The following THSD4 variants were observed in gnomAD, a reference collection of about 807,000 sequenced individuals.
The protein encoded by THSD4 is thrombospondin type 1 domain containing 4.
A neutral mutation model predicts 119.0 loss-of-function variants in THSD4; 69 were observed. That is an observed-to-expected ratio of 0.58 (90% CI 0.48 to 0.71). THSD4 has a LOEUF of 0.71. THSD4 is among the 30% of genes least tolerant of loss of function. The pLI is 0.00. For synonymous variants in THSD4, 524 were observed against 540.4 expected (o/e 0.97, Z 0.42); for missense variants, 1,393 against 1,391.1 (o/e 1.00, Z -0.02).
intron 6 of THSD4, among the ~76,000 whole-genome samples, chr15:71,371,503 G>C (rs376796748): frequency 6.6e-6 from 1 of 152,106 alleles, no homozygotes; most frequent in African/African-American, 2.4e-5. Context: ...GCATTTGCTT[G>C]TCTGTAAAGG....
At chr15:71,301,705 G>T (rs1036758396) in intron 6 of THSD4, among the ~76,000 whole-genome samples, 67 of 152,026 alleles carry the variant, frequency 4.4e-4, no homozygotes, top group African/African-American at 1.5e-3. Context: ...ATTTTCTCTG[G>T]GCTACCTGGA....
chr15:71,628,825 T>G (rs149845550), intron 7 of THSD4, among the ~76,000 whole-genome samples: 1 of 152,308 alleles, frequency 6.6e-6, no homozygotes, highest in African/African-American at 2.4e-5. Flanking sequence ...GACTCACAAC[T>G]GCTGCTTGTC....
rs574449424 is a variant in THSD4 at position 71,244,987 on chromosome 15, T to C, written c.912+1891T>C. ...CTTACATTTGTAAAGCCCGCCCCTT[T>C]TGCCAGACCTGTGCTGCCAACGGCA... is the stretch of plus-strand genomic sequence containing the variant. On this transcript the variant is annotated intron_variant, in intron 5 of 17. Transcript: ENST00000261862. 1.6e-4 allele frequency among the ~76,000 whole-genome samples: 24 copies of C among 152,308 alleles called. No individual in the cohort carries two copies. The South Asian group carries it at 4.4e-3, about 28-fold the overall frequency.
rs374854816 is a variant in THSD4 at position 71,214,904 on chromosome 15, T to A, written c.100-131T>A. The A allele has an allele frequency of 5.1e-6, 6 of 1,181,110 alleles. No individual in the cohort carries two copies. The African/African-American group carries it at 9.6e-5, about 19-fold the overall frequency. The allele number at this position is 1,181,110 out of a possible 1,614,324, so 73.2% of individuals were successfully genotyped here. ...AAAACCGACTCTAAGCCAGGCTGGA[T>A]TGTATTAATACTTATCTTTGAAACA... On this transcript the variant is annotated intron_variant, in intron 3 of 17. Transcript: ENST00000261862.
chr15:71,735,079 T>TACACAC (rs368349893), intron 10 of THSD4, among the ~76,000 whole-genome samples: 1 of 150,012 alleles, frequency 6.7e-6, no homozygotes, highest in African/African-American at 2.4e-5. Context: ...GCTTGGGGGT[T>TACACAC]ACACACACAC....
At chr15:71,290,180 G>A (rs1055063369) in intron 6 of THSD4, among the ~76,000 whole-genome samples, 2 of 152,182 alleles carry the variant, frequency 1.3e-5, no homozygotes, top group Non-Finnish European at 2.9e-5. Flanking sequence ...GTGACCATGG[G>A]CAACAGTGTA....
Position 71,304,465 on chromosome 15 carries a change from A to G in THSD4, c.1015+47750A>G, listed in dbSNP as rs868051213. On this transcript the variant is annotated intron_variant, in intron 6 of 17. Transcript: ENST00000261862. ...GCATCTCTATTCCAATGTAGTCATA[A>G]TATATGGTATCATCCTGCCTATTTA... Among the ~76,000 whole-genome samples, 15 of 152,150 alleles carry G rather than the reference A, an allele frequency of 9.9e-5. 1 individual carries two copies. The South Asian group carries it at 2.5e-3, about 25-fold the overall frequency.
upstream of THSD4, chr15:71,111,289 G>A: frequency 6.2e-7 from 1 of 1,613,992 alleles, no homozygotes; most frequent in Non-Finnish European, 8.5e-7. Context: ...CATTCCGTCT[G>A]GAAACCATTT....
At chr15:71,452,389 G>A (rs906562267) in intron 7 of THSD4, among the ~76,000 whole-genome samples, 5 of 151,844 alleles carry the variant, frequency 3.3e-5, no homozygotes, top group African/African-American at 1.2e-4. Flanking sequence ...CTGGGTATGG[G>A]GGAGGCTGCA....
intron 7 of THSD4, among the ~76,000 whole-genome samples, chr15:71,599,158 G>A (rs12594563): frequency 0.21 from 32,247 of 152,092 alleles, 4,117 homozygotes; most frequent in Non-Finnish European, 0.28. Flanking sequence ...TTCTGTCTCC[G>A]AAGCTAAATT....
chr15:71,707,732 C>G (rs1359077388), intron 8 of THSD4, among the ~76,000 whole-genome samples: 2 of 152,172 alleles, frequency 1.3e-5, no homozygotes, highest in Non-Finnish European at 2.9e-5. Flanking sequence ...GAATCATAGG[C>G]TCCTAAGAAT....
rs536579432 is a variant in THSD4, at chr15:71,606,413, T to C, written c.1153-54117T>C. On this transcript the variant is annotated intron_variant, in intron 7 of 17. Coordinates refer to ENST00000261862, the MANE Select transcript of THSD4 (RefSeq NM_024817.3). Reference sequence around the variant, plus strand: ...TAATTAATTTTATATTCCTTGTCACTTAGGCTTCTATGGCAAAGTGAATGC... The same window carrying C: ...TAATTAATTTTATATTCCTTGTCACCTAGGCTTCTATGGCAAAGTGAATGC... 9.8e-5 allele frequency among the ~76,000 whole-genome samples: 15 copies of C among 152,310 alleles called. No individual in the cohort carries two copies. In the South Asian group the frequency reaches 3.1e-3, roughly 32 times the overall value.
In THSD4 at chr15:71,770,928, A is replaced by G. The variant is rs186324205; in HGVS notation, c.2770-136A>G. On this transcript the variant is annotated intron_variant, in intron 16 of 17. Transcript: ENST00000261862. ...AGTTGCTGATTGTTGAAGCTGGTTG[A>G]TAGGTACATGGGAGTTTGTTTTCAT... 1.6e-3 allele frequency: 2,033 copies of G among 1,294,478 alleles called. 6 individuals are homozygous for G. Among genetic ancestry groups the G allele is most frequent in the Non-Finnish European group, 2.0e-3 (1,870 of 942,154 alleles). 80.2% of individuals were successfully genotyped at this position (1,294,478 alleles called of 1,614,324 possible).
intron 8 of THSD4, 65 bp downstream of exon 8, chr15:71,660,799 T>C: frequency 6.3e-7 from 1 of 1,578,068 alleles, no homozygotes; most frequent in Non-Finnish European, 8.7e-7. Context: ...CCTTCAGAAC[T>C]GTGAGATAGA....
At chr15:71,552,827 G>A (rs1226469765) in intron 7 of THSD4, among the ~76,000 whole-genome samples, 1 of 152,084 alleles carries the variant, frequency 6.6e-6, no homozygotes, top group African/African-American at 2.4e-5. Context: ...TGTATTTTTA[G>A]TAGAGATGGG....
chr15:71,098,584 A>T (rs2040241666), intron 1 of THSD4, among the ~76,000 whole-genome samples: 1 of 152,062 alleles, frequency 6.6e-6, no homozygotes, highest in Admixed American at 6.6e-5. Flanking sequence ...TATTTAAAAA[A>T]TTTATGAACT....
Position 71,215,281 on chromosome 15 carries a change from C to A in THSD4, c.346C>A (p.Arg116=). The A allele has an allele frequency of 2.0e-6, 3 of 1,520,876 alleles. No homozygotes were observed. Among genetic ancestry groups the A allele is most frequent in the Non-Finnish European group, 2.6e-6 (3 of 1,140,284 alleles). The allele number at this position is 1,520,876 out of a possible 1,614,324, so 94.2% of individuals were successfully genotyped here. The change falls in exon 4 of 18, where the codon CGG becomes AGG. Residue 116 remains arginine, a synonymous_variant. Coordinates refer to ENST00000261862, the MANE Select transcript of THSD4 (RefSeq NM_024817.3). ...SAVRTSVPLH[R]SRDETPALAG... Reference sequence around the variant, plus strand: ...GGTGCGCACGTCGGTGCCACTGCACCGGAGCCGCGACGAGACGCCAGCGCT... The same window carrying A: ...GGTGCGCACGTCGGTGCCACTGCACAGGAGCCGCGACGAGACGCCAGCGCT...
At chr15:71,337,514 C>G (rs968725141) in intron 6 of THSD4, among the ~76,000 whole-genome samples, 1 of 152,158 alleles carries the variant, frequency 6.6e-6, no homozygotes, top group African/African-American at 2.4e-5. Context: ...AAAAGTTGTC[C>G]CAAATGGAAA....
rs556682631 is a variant in THSD4, at chr15:71,389,810, G to GTTTTTTTTTTTTTTTTTTTTT, written c.1016-21860_1016-21859insTTTTTTTTTTTTTTTTTTTTT. On this transcript the variant is annotated intron_variant, in intron 6 of 17. Transcript: ENST00000261862. ...GCCAACACTTGCTATTTTCTGGGTT[G>GTTTTTTTTTTTTTTTTTTTTT]TTTTTTTTTTTTTTTTTGACACAGA... Among the ~76,000 whole-genome samples the GTTTTTTTTTTTTTTTTTTTTT allele has an allele frequency of 4.0e-4, 35 of 88,018 alleles. 6 individuals carry two copies. The highest frequency in any genetic ancestry group is 5.2e-4 in the African/African-American group (12 of 23,036). 57.7% of individuals were successfully genotyped at this position (88,018 alleles called of 152,430 possible).
Sources: allele counts gnomAD v4.1 joint callset (sites outside exome capture counted in the v4.1 genomes callset), GRCh38; gene constraint gnomAD v4.1.1; transcripts MANE v1.5; gene names NCBI Gene and HGNC (gene_info 2026-07-23, HGNC 2026-07-21).